The following RFX7 variants were observed in gnomAD, a reference collection of about 807,000 sequenced individuals.
The protein encoded by RFX7 is DNA-binding protein RFX7.
A neutral mutation model predicts 111.8 loss-of-function variants in RFX7; 26 were observed. The ratio of observed to expected loss-of-function variants is 0.23; its 90% CI spans 0.17 to 0.32. RFX7 has a LOEUF of 0.32. Ranked by LOEUF, RFX7 falls within the 10% of genes least tolerant of loss-of-function variation. The pLI is 1.00. For missense variants in RFX7, 1,573 were observed against 1,772.9 expected (o/e 0.89, Z 2.02); for synonymous variants, 624 against 624.4 (o/e 1.00, Z 0.01).
At chr15:56,111,857 C>A (rs2041937905) in intron 5 of RFX7, among the ~76,000 whole-genome samples, 1 of 152,104 alleles carries the variant, frequency 6.6e-6, no homozygotes, top group Non-Finnish European at 1.5e-5. Context: ...TGGCTCATCC[C>A]TGTAGTCCCA....
At chr15:56,124,347 A>G (rs1239957282) in intron 5 of RFX7, among the ~76,000 whole-genome samples, 1 of 151,722 alleles carries the variant, frequency 6.6e-6, no homozygotes, top group Non-Finnish European at 1.5e-5. Flanking sequence ...GTGTGAACCC[A>G]GGAGGCGGAG....
At chr15:56,118,370 CATCATCCTACTGT>C (rs2042035323) in intron 5 of RFX7, among the ~76,000 whole-genome samples, 1 of 152,086 alleles carries the variant, frequency 6.6e-6, no homozygotes, top group African/African-American at 2.4e-5. Context: ...CTCTGGTAAC[CATCATCCTACTGT>C]ATCTCCATGA....
intron 2 of RFX7, among the ~76,000 whole-genome samples, chr15:56,237,007 A>G (rs2043631186): frequency 6.6e-6 from 1 of 152,226 alleles, no homozygotes; most frequent in Admixed American, 6.5e-5. Flanking sequence ...CTAACACCCA[A>G]GGAAACACTG....
At chr15:56,217,184 T>G (rs1220872831) in intron 2 of RFX7, among the ~76,000 whole-genome samples, 1 of 152,186 alleles carries the variant, frequency 6.6e-6, no homozygotes, top group East Asian at 1.9e-4. Context: ...GTTGTATACA[T>G]TACAATACCT....
chr15:56,159,877 C>T (rs1297893404), intron 3 of RFX7, among the ~76,000 whole-genome samples: 1 of 152,070 alleles, frequency 6.6e-6, no homozygotes, highest in Non-Finnish European at 1.5e-5. Context: ...GCATAATATT[C>T]AATTTAAAAG....
chr15:56,154,179 T>G (rs1362808687), intron 3 of RFX7, among the ~76,000 whole-genome samples: 1 of 152,046 alleles, frequency 6.6e-6, no homozygotes, highest in Non-Finnish European at 1.5e-5. Context: ...ATAGGAAGAA[T>G]CAATATCATG....
intron 5 of RFX7, among the ~76,000 whole-genome samples, chr15:56,115,671 G>C (rs2042000540): frequency 2.0e-5 from 3 of 152,156 alleles, no homozygotes; most frequent in Admixed American, 2.0e-4. Flanking sequence ...CGGCACGGTG[G>C]CTCAGGCCTG....
chr15:56,130,077 C>T (rs1300524651), intron 5 of RFX7, among the ~76,000 whole-genome samples: 2 of 152,066 alleles, frequency 1.3e-5, no homozygotes, highest in African/African-American at 2.4e-5. Flanking sequence ...ATTTGTAAAG[C>T]AAAACTCATA....
intron 5 of RFX7, among the ~76,000 whole-genome samples, chr15:56,119,989 GCTAT>G (rs1301257756): frequency 2.0e-5 from 3 of 151,968 alleles, no homozygotes; most frequent in Non-Finnish European, 4.4e-5. Flanking sequence ...GGCTACTCTG[GCTAT>G]CTCTTTTAAT....
chr15:56,209,159 A>T (rs2682032), intron 2 of RFX7, among the ~76,000 whole-genome samples: 107,106 of 151,528 alleles, frequency 0.71, 38,880 homozygotes, highest in East Asian at 0.9. Context: ...TCAAAGATAG[A>T]GAAAAAATCT....
intron 2 of RFX7, among the ~76,000 whole-genome samples, chr15:56,227,636 T>C (rs1466519505): frequency 6.6e-6 from 1 of 152,168 alleles, no homozygotes. Context: ...TACCTTAGAG[T>C]ATTCTCAATT....
At chr15:56,236,624 G>C (rs569511171) in intron 2 of RFX7, among the ~76,000 whole-genome samples, 1 of 152,176 alleles carries the variant, frequency 6.6e-6, no homozygotes, top group Non-Finnish European at 1.5e-5. Flanking sequence ...CCTAGATGAA[G>C]AGGAATAGCT....
chr15:56,164,126 C>T (rs1320637186), intron 3 of RFX7, among the ~76,000 whole-genome samples: 3 of 152,170 alleles, frequency 2.0e-5, no homozygotes, highest in Non-Finnish European at 2.9e-5. Flanking sequence ...GTTCAGTGTC[C>T]TGTTTTCAAG....
At chr15:56,227,637 A>G (rs560668115) in intron 2 of RFX7, among the ~76,000 whole-genome samples, 1 of 152,310 alleles carries the variant, frequency 6.6e-6, no homozygotes, top group African/African-American at 2.4e-5. Context: ...ACCTTAGAGT[A>G]TTCTCAATTC....
chr15:56,108,426 A>C (rs1378562237), intron 5 of RFX7, among the ~76,000 whole-genome samples: 1 of 152,240 alleles, frequency 6.6e-6, no homozygotes, highest in African/African-American at 2.4e-5. Flanking sequence ...CATCCATCAC[A>C]TAAACAGAAC....
chr15:56,134,972 C>A (rs2042277458), intron 5 of RFX7, among the ~76,000 whole-genome samples: 1 of 152,046 alleles, frequency 6.6e-6, no homozygotes, highest in African/African-American at 2.4e-5. Flanking sequence ...GCATAGTATT[C>A]CATGGTGTAT....
Position 56,144,384 on chromosome 15 carries a change from G to T in RFX7, c.278+17C>A. The stretch of plus-strand genomic sequence containing the variant: ...CTATAAACAGCATAATTATAGCAAA[G>T]ACAAGAATAGATATACCTTTTCTCT... On this transcript the variant is annotated intron_variant, in intron 4 of 9. Coordinates refer to ENST00000559447, the MANE Select transcript of RFX7 (RefSeq NM_022841.7). The T allele has an allele frequency of 7.6e-7, 1 of 1,312,836 alleles. No homozygotes were observed. The highest frequency in any genetic ancestry group is 1.0e-6 in the Non-Finnish European group (1 of 973,462). 81.3% of individuals were successfully genotyped at this position (1,312,836 alleles called of 1,614,324 possible).
intron 5 of RFX7, among the ~76,000 whole-genome samples, chr15:56,133,251 T>G (rs1469871696): frequency 2.0e-5 from 3 of 152,108 alleles, no homozygotes; most frequent in African/African-American, 7.2e-5. Flanking sequence ...TTTTGCATAC[T>G]GAAAGCTCCT....
chr15:56,141,656 A>ACCATATATATATATATATATATAT (rs1555421058), intron 5 of RFX7, among the ~76,000 whole-genome samples: 1 of 83,210 alleles, frequency 1.2e-5, no homozygotes, highest in Non-Finnish European at 2.2e-5. Context: ...GCTTACTCTA[A>ACCATATATATATATATATATATAT]ATATATATAT....
Sources: gnomAD v4.1 joint callset for allele counts (sites outside exome capture counted in the v4.1 genomes callset) on GRCh38, gnomAD v4.1.1 for gene constraint, MANE v1.5 for transcripts, NCBI Gene and HGNC (gene_info 2026-07-23, HGNC 2026-07-21) for gene names.